Variants in USP43 observed in about 807,000 individuals in gnomAD.
USP43 encodes ubiquitin specific peptidase 43.
Under a neutral mutation model 90.7 loss-of-function variants are expected in USP43, and 33 were observed. The observed-to-expected ratio is 0.36, with a 90% CI of 0.28 to 0.49. The LOEUF is 0.49. Ranked by LOEUF, USP43 falls within the 20% of genes least tolerant of loss-of-function variation. The pLI is 0.98. For synonymous variants in USP43, 598 were observed against 615.8 expected, an observed-to-expected ratio of 0.97 and a Z score of 0.43; for missense variants, 1,274 against 1,476.4, an observed-to-expected ratio of 0.86 and a Z score of 2.25.
chr17:9,690,082 C>A (rs570522384), intron 8 of USP43, among the ~76,000 whole-genome samples: 3 of 152,278 alleles, frequency 2.0e-5, no homozygotes, highest in African/African-American at 7.2e-5. Flanking sequence ...CAGCCCAGTT[C>A]CAGTTTACCC....
At position 9,711,987 on chromosome 17, in the gene USP43, G is replaced by T; in HGVS notation, c.2190G>T (p.Leu730=). 1 of 1,610,184 alleles carries T rather than the reference G, an allele frequency of 6.2e-7. No homozygotes were observed. Among genetic ancestry groups the T allele is most frequent in the South Asian group, 1.1e-5 (1 of 90,478 alleles). Residue 730 remains leucine (L), a synonymous_variant, in exon 14 of 15, where the codon CTG becomes CTT. Transcript: ENST00000285199. ...SSMRGSTSSS[L]SDHWLLRLGS... is the part of the protein sequence containing the mutation. ...CCACAGGCTCTACCAGCTCCTCCCTGTCTGATCACTGGCTCTTACGGCTCG... is the reference window on the plus strand; with the variant it reads ...CCACAGGCTCTACCAGCTCCTCCCTTTCTGATCACTGGCTCTTACGGCTCG...
Position 9,657,099 on chromosome 17 carries a change from T to C in USP43, c.636+565T>C, listed in dbSNP as rs768726710. On this transcript the variant is annotated intron_variant, in intron 2 of 14. Transcript: ENST00000285199. Reference sequence around the variant, plus strand: ...CATCAGGCGCAGTCTTTATGGACTTTGCTCAATGATGGCTTATGCTCTAAT... The same window carrying C: ...CATCAGGCGCAGTCTTTATGGACTTCGCTCAATGATGGCTTATGCTCTAAT... Among the ~76,000 whole-genome samples the C allele has an allele frequency of 1.2e-4, 18 of 152,350 alleles. No homozygotes were observed. In the Middle Eastern group the frequency reaches 0.01, roughly 86 times the overall value.
chr17:9,656,382 G>A (rs770701908), intron 1 of USP43, 21 bp from the exon 2 acceptor site: 29 of 1,606,912 alleles, frequency 1.8e-5, no homozygotes, highest in Admixed American at 1.2e-4. Flanking sequence ...TTCACCTCTC[G>A]ATTTCCTTTT....
intron 8 of USP43, among the ~76,000 whole-genome samples, chr17:9,689,623 A>C (rs954792588): frequency 6.6e-6 from 1 of 152,126 alleles, no homozygotes; most frequent in African/African-American, 2.4e-5. Context: ...TGTGTTGCCC[A>C]GGTTGGTCTT....
rs761589226 is a variant in USP43, at chr17:9,676,897, A to C, written c.969+16A>C. 8.7e-6 allele frequency: 14 copies of C among 1,611,290 alleles called. No homozygotes were observed. The highest frequency in any genetic ancestry group is 1.2e-5 in the Non-Finnish European group (14 of 1,178,544). The stretch of plus-strand genomic sequence containing the variant: ...TGCAGATGAGGTGTGATAGAATTGC[A>C]CTGGGGCCTGGTCATTGGATGATAG... On this transcript the variant is annotated intron_variant, in intron 5 of 14. Coordinates refer to ENST00000285199, the MANE Select transcript of USP43 (RefSeq NM_153210.5).
chr17:9,646,863 A>G (rs1911442310), intron 1 of USP43, among the ~76,000 whole-genome samples: 1 of 152,082 alleles, frequency 6.6e-6, no homozygotes. Context: ...AGGCGCATTC[A>G]ATCCCCTACA....
At chr17:9,664,403 T>C (rs1912862743) in intron 2 of USP43, among the ~76,000 whole-genome samples, 1 of 152,212 alleles carries the variant, frequency 6.6e-6, no homozygotes, top group Non-Finnish European at 1.5e-5. Flanking sequence ...TCGTCTGCTT[T>C]CTAAAATCCT....
At chr17:9,711,849 T>G (rs1252329764) in intron 13 of USP43, 119 bp from the exon 14 acceptor site, 5 of 1,189,182 alleles carry the variant, frequency 4.2e-6, no homozygotes, top group Non-Finnish European at 2.2e-6. Flanking sequence ...TCTGTTCTGG[T>G]TCTGTAGTTC....
intron 1 of USP43, among the ~76,000 whole-genome samples, chr17:9,648,569 T>A (rs1911619945): frequency 6.6e-6 from 1 of 152,032 alleles, no homozygotes; most frequent in South Asian, 2.1e-4. Flanking sequence ...TTGGGGGAGA[T>A]CCTGTGGGGT....
intron 2 of USP43, among the ~76,000 whole-genome samples, chr17:9,664,723 C>T (rs866477228): frequency 2.0e-5 from 3 of 151,712 alleles, no homozygotes; most frequent in South Asian, 2.1e-4. Flanking sequence ...CTTTAAGCTC[C>T]GCCTCCCGGG....
chr17:9,685,155 G>A (rs951566446), intron 7 of USP43, among the ~76,000 whole-genome samples: 8 of 152,222 alleles, frequency 5.3e-5, no homozygotes, highest in Admixed American at 2.0e-4. Context: ...GCCCTTGCCT[G>A]TCCAGACAGA....
In USP43 at chr17:9,693,377, A is replaced by G. The variant is rs866163842; in HGVS notation, c.1457+147A>G. The G allele has an allele frequency of 2.6e-4, 181 of 686,636 alleles. No homozygotes were observed. In the African/African-American group the frequency reaches 3.1e-3, roughly 12 times the overall value. The allele number at this position is 686,636 out of a possible 1,614,324, so 42.5% of individuals were successfully genotyped here. ...CCAGTACCAGCCGCTATGTTAGGTC[A>G]TTGGGCATGTTCTGTGCTTTGAACC... On this transcript the variant is annotated intron_variant, in intron 9 of 14. Transcript: ENST00000285199.
rs115963535 is a variant in USP43 at position 9,708,100 on chromosome 17, G to T, written c.2012-1856G>T. 3.6e-3 allele frequency among the ~76,000 whole-genome samples: 546 copies of T among 152,312 alleles called. 3 individuals carry two copies. Among genetic ancestry groups the T allele is most frequent in the African/African-American group, 0.012 (511 of 41,568 alleles). ...AATTGCATTATGAGCAGAGCTCGTA[G>T]CATGTGCAAAGGCCCTGAGGCAGAA... On this transcript the variant is annotated intron_variant, in intron 12 of 14. Transcript: ENST00000285199.
chr17:9,719,682 C>G (rs188239448), intron 14 of USP43, among the ~76,000 whole-genome samples: 83 of 152,260 alleles, frequency 5.5e-4, no homozygotes, highest in African/African-American at 1.7e-3. Flanking sequence ...ACTGCAAGAG[C>G]CTTGCTTCCT....
chr17:9,712,205 G>T (rs959183834), intron 14 of USP43, 73 bp downstream of exon 14: 1 of 1,432,194 alleles, frequency 7.0e-7, no homozygotes, highest in Non-Finnish European at 9.2e-7. Flanking sequence ...GTATGAAAGC[G>T]CTGTCACTTC....
At chr17:9,716,437 A>G (rs1785028194) in intron 14 of USP43, among the ~76,000 whole-genome samples, 1 of 152,192 alleles carries the variant, frequency 6.6e-6, no homozygotes, top group Non-Finnish European at 1.5e-5. Context: ...GCTGCCTTGT[A>G]TCTCTCTCAA....
intron 12 of USP43, among the ~76,000 whole-genome samples, chr17:9,706,269 G>C (rs1166993078): frequency 1.3e-5 from 2 of 152,070 alleles, no homozygotes; most frequent in East Asian, 3.9e-4. Flanking sequence ...AATATAAATT[G>C]CAAGTATGTG....
intron 14 of USP43, among the ~76,000 whole-genome samples, chr17:9,719,669 G>T (rs1916818545): frequency 6.6e-6 from 1 of 152,218 alleles, no homozygotes; most frequent in South Asian, 2.1e-4. Context: ...CACATGGAGA[G>T]AGACTGCAAG....
At chr17:9,721,469 A>T (rs139778650) in intron 14 of USP43, among the ~76,000 whole-genome samples, 1 of 152,154 alleles carries the variant, frequency 6.6e-6, no homozygotes, top group African/African-American at 2.4e-5. Context: ...ATGGAGTCAG[A>T]CGTGCTACCA....
Sources: allele counts gnomAD v4.1 joint callset (sites outside exome capture counted in the v4.1 genomes callset), GRCh38; gene constraint gnomAD v4.1.1; transcripts MANE v1.5; gene names NCBI Gene and HGNC (gene_info 2026-07-23, HGNC 2026-07-21).